LDLRAD3: variants seen among roughly 807,000 people sequenced by gnomAD.
LDLRAD3 encodes low-density lipoprotein receptor class A domain-containing protein 3.
A neutral mutation model predicts 29.4 loss-of-function variants in LDLRAD3; 20 were observed. The ratio of observed to expected loss-of-function variants is 0.68; its 90% CI spans 0.48 to 0.99. The LOEUF is 0.99. Among genes scored for constraint, LDLRAD3 ranks in the 50% least tolerant of loss-of-function variants. The probability of loss-of-function intolerance (pLI) is 0.00; values close to 1 mark genes in which losing one functional copy is unlikely to be tolerated. For missense variants in LDLRAD3, 420 were observed against 454.3 expected, an observed-to-expected ratio of 0.92 and a Z score of 0.69; for synonymous variants, 157 against 192.7, an observed-to-expected ratio of 0.81 and a Z score of 1.53.
intron 2 of LDLRAD3, among the ~76,000 whole-genome samples, chr11:36,040,311 T>C (rs78048526): frequency 7.2e-5 from 11 of 151,752 alleles, no homozygotes; most frequent in African/African-American, 1.9e-4. Flanking sequence ...TTTTTTTTTT[T>C]AATCGTGACG....
chr11:36,171,798 T>C (rs576087734), intron 4 of LDLRAD3, among the ~76,000 whole-genome samples: 1 of 152,336 alleles, frequency 6.6e-6, no homozygotes, highest in South Asian at 2.1e-4. Flanking sequence ...TTTCTTTGGC[T>C]ATGAGAGCTC....
chr11:36,205,668 C>T (rs575023913), intron 4 of LDLRAD3, among the ~76,000 whole-genome samples: 1 of 152,286 alleles, frequency 6.6e-6, no homozygotes, highest in African/African-American at 2.4e-5. Context: ...GCTGCTGAGA[C>T]CACAAGGGAA....
chr11:36,116,759 T>TG (rs771674388), intron 4 of LDLRAD3, among the ~76,000 whole-genome samples: 48 of 152,260 alleles, frequency 3.2e-4, no homozygotes, highest in Admixed American at 1.2e-3. Flanking sequence ...TTGATTAGTT[T>TG]GGGGAAATTA....
intron 3 of LDLRAD3, among the ~76,000 whole-genome samples, chr11:36,090,706 G>A (rs1853267670): frequency 6.6e-6 from 1 of 152,184 alleles, no homozygotes; most frequent in Admixed American, 6.5e-5. Context: ...CTGAGGAAAA[G>A]GGAAGCAAGA....
At chr11:36,093,178 G>A (rs765887221) in intron 3 of LDLRAD3, among the ~76,000 whole-genome samples, 4 of 152,156 alleles carry the variant, frequency 2.6e-5, no homozygotes, top group Non-Finnish European at 5.9e-5. Flanking sequence ...TGCTAGACTA[G>A]ACGTTCAAAA....
chr11:35,993,358 T>C lies in LDLRAD3; in HGVS notation c.47-42745T>C, dbSNP rs1851713165. Among the ~76,000 whole-genome samples, 4 of 152,188 alleles carry C rather than the reference T, an allele frequency of 2.6e-5. No homozygotes were observed. The South Asian group carries it at 8.3e-4, about 32-fold the overall frequency. On this transcript the variant is annotated intron_variant, in intron 1 of 5. Transcript: ENST00000315571. ...CTGCACATTTTTGCATTGAGCATAG[T>C]GTCTGACACCCTGTGCATTGCCCTG...
At chr11:36,036,394 G>A in intron 2 of LDLRAD3, 145 bp downstream of exon 2, 1 of 844,480 alleles carries the variant, frequency 1.2e-6, no homozygotes, top group Admixed American at 2.7e-5. Context: ...CTGCTTCTTT[G>A]CTGTATCTCC....
At position 36,036,177 on chromosome 11, in the gene LDLRAD3, C is replaced by T. The variant is rs780672379; in HGVS notation, c.121C>T (p.Arg41Trp). ...IPGNFMCSNG[R>W]CIPGAWQCDG... ...AGGCAACTTCATGTGCAGCAATGGA[C>T]GGTGCATCCCGGGCGCCTGGCAGTG... Residue 41 changes from arginine to tryptophan, a missense_variant, in exon 2 of 6, where the codon CGG becomes TGG. Transcript: ENST00000315571. 1.6e-5 allele frequency: 26 copies of T among 1,614,042 alleles called. No homozygotes were observed. Among genetic ancestry groups the T allele is most frequent in the South Asian group, 3.3e-5 (3 of 91,080 alleles).
At chr11:36,096,671 C>G (rs1853366378) in intron 3 of LDLRAD3, among the ~76,000 whole-genome samples, 1 of 152,264 alleles carries the variant, frequency 6.6e-6, no homozygotes, top group African/African-American at 2.4e-5. Context: ...GTAGCAGTAT[C>G]AGCTTTTTGG....
At position 36,118,525 on chromosome 11, in the gene LDLRAD3, G is replaced by GAC. The variant is rs534924588; in HGVS notation, c.454+20065_454+20066insCA. 2.4e-4 allele frequency among the ~76,000 whole-genome samples: 36 copies of GAC among 151,464 alleles called. No individual in the cohort carries two copies. In the East Asian group the frequency reaches 3.5e-3, roughly 15 times the overall value. ...TGTGTGTGTGTGTGAGAGAGAGAGA[G>GAC]AGAAGGAGGGAGAGAGAGAGAAAAA... On this transcript the variant is annotated intron_variant, in intron 4 of 5. Transcript: ENST00000315571.
At chr11:35,999,101 C>T (rs557046810) in intron 1 of LDLRAD3, among the ~76,000 whole-genome samples, 15 of 152,306 alleles carry the variant, frequency 9.8e-5, no homozygotes, top group African/African-American at 3.1e-4. Flanking sequence ...CACGAAACAT[C>T]GATTGGGCAC....
At position 36,230,102 on chromosome 11, in the gene LDLRAD3, C is replaced by T. The variant is rs1192511606; in HGVS notation, c.*705C>T. 2.0e-5 allele frequency: 3 copies of T among 152,250 alleles called. No individual in the cohort carries two copies. The highest frequency in any genetic ancestry group is 2.0e-4 in the Admixed American group (3 of 15,290). 9.4% of individuals were successfully genotyped at this position (152,250 alleles called of 1,614,324 possible). ...TTTCCTCAGCAGCATATATCATCAG[C>T]CTCATCCTAAAATAGGCAGGGAGCC... On this transcript the variant is annotated 3_prime_UTR_variant, in exon 6 of 6. Coordinates refer to ENST00000315571, the MANE Select transcript of LDLRAD3 (RefSeq NM_174902.4).
At chr11:36,228,278 CA>C (rs1440693918) in intron 5 of LDLRAD3, among the ~76,000 whole-genome samples, 5 of 152,276 alleles carry the variant, frequency 3.3e-5, no homozygotes, top group Middle Eastern at 3.4e-3. Context: ...TTTCAGAGGT[CA>C]GGGGAGAGGA....
intron 4 of LDLRAD3, among the ~76,000 whole-genome samples, chr11:36,166,128 A>G (rs1854512441): frequency 6.6e-6 from 1 of 152,124 alleles, no homozygotes; most frequent in South Asian, 2.1e-4. Flanking sequence ...TTTCCGCTGA[A>G]CATGATTTAT....
chr11:36,211,506 T>G (rs1855283689), intron 4 of LDLRAD3, among the ~76,000 whole-genome samples: 1 of 152,134 alleles, frequency 6.6e-6, no homozygotes, highest in Non-Finnish European at 1.5e-5. Flanking sequence ...GGAGACCAAG[T>G]AGAGGTTCAC....
chr11:35,981,889 G>A (rs1440463253), intron 1 of LDLRAD3, among the ~76,000 whole-genome samples: 1 of 152,124 alleles, frequency 6.6e-6, no homozygotes, highest in Non-Finnish European at 1.5e-5. Context: ...TTCTGCTTTT[G>A]GTTCTTCCAC....
chr11:36,042,411 C>A (rs1367271252), intron 2 of LDLRAD3, among the ~76,000 whole-genome samples: 2 of 152,162 alleles, frequency 1.3e-5, no homozygotes, highest in Admixed American at 1.3e-4. Flanking sequence ...TGCTGCTTCT[C>A]TTGGGCCGTT....
Position 36,213,271 on chromosome 11 carries a change from G to C in LDLRAD3, c.455-13814G>C, listed in dbSNP as rs1241678448. 1.3e-5 allele frequency among the ~76,000 whole-genome samples: 2 copies of C among 152,202 alleles called. No individual in the cohort carries two copies. The highest frequency in any genetic ancestry group is 4.8e-5 in the African/African-American group (2 of 41,448). On this transcript the variant is annotated intron_variant, in intron 4 of 5. Transcript: ENST00000315571. The surrounding 1 kb of genome is among the most constrained non-coding windows in gnomAD (Gnocchi z 4.1). ...ATGGCCCCTGCTGTGGCCGGTCTGA[G>C]GTTGCGCAGCTCCAGTTTTCCCATC...
intron 1 of LDLRAD3, among the ~76,000 whole-genome samples, chr11:35,998,336 C>T (rs549488017): frequency 3.9e-5 from 6 of 152,242 alleles, no homozygotes; most frequent in East Asian, 1.9e-4. Context: ...TGCTTGCAAA[C>T]GCTCCTAGTG....
Sources: allele counts gnomAD v4.1 joint callset (sites outside exome capture counted in the v4.1 genomes callset), GRCh38; gene constraint gnomAD v4.1.1; non-coding constraint Gnocchi (gnomAD v3.1); transcripts MANE v1.5; gene names NCBI Gene and HGNC (gene_info 2026-07-23, HGNC 2026-07-21).